Variants in CALN1 observed in about 807,000 individuals in gnomAD.
CALN1 encodes the protein calcium-binding protein 8.
In CALN1, 17 loss-of-function variants were observed where a neutral mutation model predicts 30.6. That is an observed-to-expected ratio of 0.56 (90% CI 0.38 to 0.83). CALN1 has a LOEUF of 0.83. Ranked by LOEUF, CALN1 falls within the 40% of genes least tolerant of loss-of-function variation. The pLI is 0.00. For synonymous variants in CALN1, 156 were observed against 131.4 expected (o/e 1.19, Z -1.28); for missense variants, 291 against 354.9 (o/e 0.82, Z 1.45).
intron 2 of CALN1, among the ~76,000 whole-genome samples, chr7:72,310,176 C>G (rs529338802): frequency 3.3e-5 from 5 of 151,872 alleles, no homozygotes; most frequent in African/African-American, 1.2e-4. Flanking sequence ...GTCTGGTTTT[C>G]AAGCCAAAAA....
intron 3 of CALN1, among the ~76,000 whole-genome samples, chr7:72,170,705 C>G (rs1788883364): frequency 6.6e-6 from 1 of 152,156 alleles, no homozygotes; most frequent in African/African-American, 2.4e-5. Context: ...ATCAAAGTTT[C>G]AAAACAACTA....
At chr7:72,331,430 C>T (rs191643181) in intron 2 of CALN1, among the ~76,000 whole-genome samples, 2 of 151,782 alleles carry the variant, frequency 1.3e-5, no homozygotes, top group African/African-American at 4.8e-5. Context: ...CAGAAACCTA[C>T]CCCTAGATAC....
chr7:72,114,532 C>T (rs562328122), intron 3 of CALN1, among the ~76,000 whole-genome samples: 9 of 151,980 alleles, frequency 5.9e-5, no homozygotes, highest in South Asian at 2.1e-4. Context: ...AAATGATGAT[C>T]GCTGCATAGA....
In CALN1 at chr7:71,798,687, T is replaced by C. The variant is rs894781760; in HGVS notation, c.659-10785A>G. Among the ~76,000 whole-genome samples, 3 of 147,936 alleles carry C rather than the reference T, an allele frequency of 2.0e-5. No homozygotes were observed. The Admixed American group carries it at 2.0e-4, about 10-fold the overall frequency. ...CCCAGGCTTGAGTGCAGTGGTGTGA[T>C]CTCGGCTCACTGCAACCTCTGCCTC... is the stretch of plus-strand genomic sequence containing the variant. On this transcript the variant is annotated intron_variant, in intron 6 of 6. Coordinates refer to ENST00000395275, the MANE Select transcript of CALN1 (RefSeq NM_031468.4).
chr7:72,220,029 T>A (rs1793160185), intron 3 of CALN1, among the ~76,000 whole-genome samples: 1 of 151,784 alleles, frequency 6.6e-6, no homozygotes, highest in African/African-American at 2.4e-5. Context: ...AATTTTTTTT[T>A]TATAATTTTT....
At chr7:72,228,045 A>G (rs1793815081) in intron 3 of CALN1, among the ~76,000 whole-genome samples, 1 of 151,964 alleles carries the variant, frequency 6.6e-6, no homozygotes, top group African/African-American at 2.4e-5. Flanking sequence ...ACGGTTCTGA[A>G]CAGGTTTGGG....
intron 5 of CALN1, among the ~76,000 whole-genome samples, chr7:71,940,997 A>G (rs1796100610): frequency 6.6e-6 from 1 of 152,172 alleles, no homozygotes. Flanking sequence ...TTTCCAAACA[A>G]GACTCCAAGG....
At chr7:72,417,616 A>T (rs778486192) in intron 1 of CALN1, among the ~76,000 whole-genome samples, 2 of 152,224 alleles carry the variant, frequency 1.3e-5, no homozygotes, top group Admixed American at 6.5e-5. Flanking sequence ...TTTTAATATG[A>T]TTATGTTCAA....
At chr7:72,059,462 G>GAA (rs34494725) in intron 4 of CALN1, among the ~76,000 whole-genome samples, 2 of 151,230 alleles carry the variant, frequency 1.3e-5, no homozygotes, top group Non-Finnish European at 3.0e-5. Context: ...AAAGTTTTCT[G>GAA]AAAAAAAAAG....
the CALN1 span, among the ~76,000 whole-genome samples, chr7:72,460,708 T>C: frequency 6.6e-6 from 1 of 152,120 alleles, no homozygotes; most frequent in African/African-American, 2.4e-5. Context: ...ATGGGATACA[T>C]TGTATACATC....
At chr7:72,136,699 G>A (rs1281743018) in intron 3 of CALN1, among the ~76,000 whole-genome samples, 3 of 152,156 alleles carry the variant, frequency 2.0e-5, no homozygotes, top group African/African-American at 7.2e-5. Context: ...TTGATTTAAA[G>A]TGAGAGACAT....
chr7:72,151,544 C>T (rs951780445), intron 3 of CALN1, among the ~76,000 whole-genome samples: 3 of 152,164 alleles, frequency 2.0e-5, no homozygotes, highest in Non-Finnish European at 2.9e-5. Flanking sequence ...TAGACCCACA[C>T]GTCACATTCA....
chr7:72,232,568 C>T (rs1278714111), intron 3 of CALN1, among the ~76,000 whole-genome samples: 2 of 152,162 alleles, frequency 1.3e-5, no homozygotes, highest in African/African-American at 4.8e-5. Flanking sequence ...ACAAGCGATT[C>T]TCCTGCCTCA....
chr7:72,363,220 G>A (rs2129559882), intron 2 of CALN1, among the ~76,000 whole-genome samples: 1 of 150,130 alleles, frequency 6.7e-6, no homozygotes, highest in African/African-American at 2.4e-5. Flanking sequence ...GTTCCCTTCT[G>A]TGAGATTATG....
chr7:72,190,148 G>A (rs1448348016), intron 3 of CALN1, among the ~76,000 whole-genome samples: 1 of 152,168 alleles, frequency 6.6e-6, no homozygotes, highest in Non-Finnish European at 1.5e-5. Flanking sequence ...CTAAGGTCAG[G>A]AGTTCGAGAT....
intron 2 of CALN1, among the ~76,000 whole-genome samples, chr7:72,281,044 T>C (rs1459628669): frequency 1.3e-5 from 2 of 151,928 alleles, no homozygotes; most frequent in African/African-American, 4.8e-5. Flanking sequence ...CTCGGGATAC[T>C]GAGGCAGAAG....
intron 2 of CALN1, among the ~76,000 whole-genome samples, chr7:72,341,375 T>C (rs1802376078): frequency 6.6e-6 from 1 of 152,020 alleles, no homozygotes; most frequent in South Asian, 2.1e-4. Flanking sequence ...ATACAAAAAT[T>C]AGCTAGGCAT....
chr7:72,263,507 T>TC (rs1157298519), intron 3 of CALN1, among the ~76,000 whole-genome samples: 3 of 152,080 alleles, frequency 2.0e-5, no homozygotes, highest in Non-Finnish European at 4.4e-5. Flanking sequence ...ACAATCCTTC[T>TC]CCCTCAGCTT....
chr7:72,331,677 A>G (rs1022027479), intron 2 of CALN1, among the ~76,000 whole-genome samples: 2 of 152,040 alleles, frequency 1.3e-5, no homozygotes, highest in African/African-American at 4.8e-5. Context: ...TTTTTTTCCA[A>G]CTGTTACCTT....
Sources: gnomAD v4.1 joint callset for allele counts (sites outside exome capture counted in the v4.1 genomes callset) on GRCh38, gnomAD v4.1.1 for gene constraint, MANE v1.5 for transcripts, NCBI Gene and HGNC (gene_info 2026-07-23, HGNC 2026-07-21) for gene names.